CLUH: variants seen among roughly 807,000 people sequenced by gnomAD.
The protein encoded by CLUH is CLUH binding protein of NUMT mRNA, also known as clustered mitochondria protein homolog.
CLUH carries 77 observed loss-of-function variants against 139.3 expected under a neutral mutation model. The observed-to-expected ratio is 0.55, with a 90% confidence interval of 0.46 to 0.67. The LOEUF (loss-of-function observed/expected upper bound fraction) is 0.67, where lower values mean the gene tolerates loss of function less well. Ranked by LOEUF, CLUH falls within the 30% of genes least tolerant of loss-of-function variation. The pLI is 0.00. For synonymous variants in CLUH, 999 were observed against 801.6 expected (o/e 1.25, Z -4.16); for missense variants, 1,876 against 1,875.8 (o/e 1.00, Z 0.00).
chr17:2,692,861 C>G lies in CLUH; in HGVS notation c.3232-1G>C, dbSNP rs1257465980. On this transcript the variant is annotated splice_acceptor_variant, in intron 19 of 25. Transcript: ENST00000651024. LOFTEE classifies it high-confidence loss of function. ...CCGCCTTCTGCTGGTTACTCAGGGC[C>G]TGGGGAGAGACAGTGGTGGTTGCCG... 1 of 1,589,354 alleles carries G rather than the reference C, an allele frequency of 6.3e-7. No individual in the cohort carries two copies. The highest frequency in any genetic ancestry group is 8.6e-7 in the Non-Finnish European group (1 of 1,165,588).
chr17:2,698,460 A>G lies in CLUH; in HGVS notation c.1397T>C (p.Leu466Pro), dbSNP rs201028474. Reference sequence around the variant, plus strand: ...GTAGTGGTCTCGGACGTCGAAGCCCAGGCTGAAGAAGATGTTGTTCCAGAT... The same window carrying G: ...GTAGTGGTCTCGGACGTCGAAGCCCGGGCTGAAGAAGATGTTGTTCCAGAT... ...MFIWNNIFFSLGFDVRDHYKD... is the reference protein window; with the variant it reads ...MFIWNNIFFSPGFDVRDHYKD... Residue 466 changes from leucine to proline, a missense_variant, in exon 10 of 26, where the codon CTG becomes CCG. Physicochemically the swap from Leu to Pro is moderately conservative, Grantham distance 98. This residue lies in a region of CLUH where 1,454 missense variants were observed against 1,384.4 expected (regional missense o/e 1.05). Transcript: ENST00000651024. 1.2e-5 allele frequency: 20 copies of G among 1,613,286 alleles called. No homozygotes were observed. Among genetic ancestry groups the G allele is most frequent in the Non-Finnish European group, 1.6e-5 (19 of 1,179,834 alleles).
intron 13 of CLUH, 92 bp downstream of exon 13, chr17:2,696,067 G>A (rs894477710): frequency 4.4e-5 from 46 of 1,040,174 alleles, no homozygotes; most frequent in Non-Finnish European, 6.3e-5. Context: ...TCACTCCTGC[G>A]AGCCTGTGTT....
rs552589529 is a variant in CLUH at position 2,701,565 on chromosome 17, G to A, written c.745-45C>T. The stretch of plus-strand genomic sequence containing the variant: ...TGAGGGGCCAGGCCTCTGGTGTGGG[G>A]CCTCCACCCCGCCAGGGACCCTCTT... On this transcript the variant is annotated intron_variant, in intron 5 of 25. Transcript: ENST00000651024. 1.7e-5 allele frequency: 27 copies of A among 1,611,840 alleles called. No homozygotes were observed. The East Asian group carries it at 4.0e-4, about 24-fold the overall frequency.
Position 2,704,392 on chromosome 17 carries a change from G to C in CLUH, c.273C>G (p.Leu91=), listed in dbSNP as rs116256101. The change falls in exon 2 of 26, where the codon CTC becomes CTG. Residue 91 remains leucine (L), a synonymous_variant. Coordinates refer to ENST00000651024, the MANE Select transcript of CLUH (RefSeq NM_001366661.1). The surrounding 1 kb of genome is among the most constrained non-coding windows in gnomAD (Gnocchi z 5.7). ...IQDTGFSVKI[L]APGIEPFSLQ... Reference sequence around the variant, plus strand: ...GGGAGAAGGGCTCGATCCCAGGGGCGAGGATCTTCACAGAAAAGCCCGTGT... The same window carrying C: ...GGGAGAAGGGCTCGATCCCAGGGGCCAGGATCTTCACAGAAAAGCCCGTGT... 1,341 of 1,611,628 alleles carry C rather than the reference G, an allele frequency of 8.3e-4. 8 individuals are homozygous for C. In the African/African-American group the frequency reaches 0.016, roughly 19 times the overall value.
intron 11 of CLUH, 22 bp downstream of exon 11, chr17:2,696,697 C>G: frequency 6.2e-7 from 1 of 1,609,460 alleles, no homozygotes; most frequent in Non-Finnish European, 8.5e-7. Flanking sequence ...GGCTCTCTCC[C>G]GGCCATCTGC....
In CLUH at chr17:2,691,997, C is replaced by CCCCGCCCCCGCCCCGCCCCCGCT. The variant is rs772082865; in HGVS notation, c.3654+6_3654+7insAGCGGGGGCGGGGCGGGGGCGGG. On this transcript the variant is annotated splice_region_variant and intron_variant, in intron 23 of 25. Coordinates refer to ENST00000651024, the MANE Select transcript of CLUH (RefSeq NM_001366661.1). ...GCCCCCGCCCCCGCCACGCCCCCGC[C>CCCCGCCCCCGCCCCGCCCCCGCT]GCGCACCTGCGTCTTGTAGATGGTG... The CCCCGCCCCCGCCCCGCCCCCGCT allele has an allele frequency of 1.6e-6, 2 of 1,234,906 alleles. No individual in the cohort carries two copies. The highest frequency in any genetic ancestry group is 2.2e-6 in the Non-Finnish European group (2 of 928,330). 76.5% of individuals were successfully genotyped at this position (1,234,906 alleles called of 1,614,324 possible).
chr17:2,699,645 T>C (rs902477085), intron 9 of CLUH, among the ~76,000 whole-genome samples: 28 of 152,142 alleles, frequency 1.8e-4, no homozygotes, highest in African/African-American at 6.3e-4. Context: ...CTTTTTTTTT[T>C]TTTTGAGACG....
Position 2,704,424 on chromosome 17 carries a change from T to A in CLUH, c.241A>T (p.Ile81Phe). Residue 81 changes from isoleucine to phenylalanine, a missense_variant, in exon 2 of 26, where the codon ATT (isoleucine) becomes TTT (phenylalanine). Coordinates refer to ENST00000651024, the MANE Select transcript of CLUH (RefSeq NM_001366661.1). The surrounding 1 kb of genome is among the most constrained non-coding windows in gnomAD (Gnocchi z 5.7). ...TTCACAGAAAAGCCCGTGTCCTGAA[T>A]GACAATGACTTCCTGGCCGGTGGTC... ...DETTGQEVIV[I>F]QDTGFSVKIL... 1.2e-6 allele frequency: 2 copies of A among 1,610,924 alleles called. No individual in the cohort carries two copies. Among genetic ancestry groups the A allele is most frequent in the Non-Finnish European group, 1.7e-6 (2 of 1,178,774 alleles).
At chr17:2,692,328 C>CCGGCCTTGG in intron 22 of CLUH, 33 bp downstream of exon 22, 3 of 1,513,424 alleles carry the variant, frequency 2.0e-6, no homozygotes, top group Non-Finnish European at 1.8e-6. Flanking sequence ...CAGGCCTCCG[C>CCGGCCTTGG]CGGCCTTGGC....
At position 2,692,566 on chromosome 17, in the gene CLUH, C is replaced by G; in HGVS notation, c.3438+5G>C. 1 of 1,610,504 alleles carries G rather than the reference C, an allele frequency of 6.2e-7. No homozygotes were observed. Among genetic ancestry groups the G allele is most frequent in the Non-Finnish European group, 8.5e-7 (1 of 1,178,934 alleles). Reference sequence around the variant, plus strand: ...TCCCTGCCGCCCCCCCGCCCCAGCACTCACGTCCAGCAGCGCCATCTCGGG... The same window carrying G: ...TCCCTGCCGCCCCCCCGCCCCAGCAGTCACGTCCAGCAGCGCCATCTCGGG... On this transcript the variant is annotated splice_donor_5th_base_variant and intron_variant, in intron 21 of 25. Coordinates refer to ENST00000651024, the MANE Select transcript of CLUH (RefSeq NM_001366661.1).
In CLUH at chr17:2,701,369, T is replaced by C; in HGVS notation, c.896A>G (p.Asn299Ser). 1 of 1,607,010 alleles carries C rather than the reference T, an allele frequency of 6.2e-7. No homozygotes were observed. Among genetic ancestry groups the C allele is most frequent in the South Asian group, 1.1e-5 (1 of 89,950 alleles). ...TGGTGGGCTGGCAGGGACTCACTGATTCAGGTAAAAGCCCCGTGTGGACGC... is the reference window on the plus strand; with the variant it reads ...TGGTGGGCTGGCAGGGACTCACTGACTCAGGTAAAAGCCCCGTGTGGACGC... Reference protein sequence around the residue: ...ITASTRGFYLNQSTAYHFNPK... With the variant: ...ITASTRGFYLSQSTAYHFNPK... The change falls in exon 6 of 26, where the codon AAT becomes AGT. Residue 299 changes from asparagine (N) to serine (S), a missense_variant. This residue lies in a region of CLUH where 270 missense variants were observed against 354.7 expected (regional missense o/e 0.76). Coordinates refer to ENST00000651024, the MANE Select transcript of CLUH (RefSeq NM_001366661.1).
In CLUH at chr17:2,691,881, A is replaced by G. The variant is rs1395074241; in HGVS notation, c.3669T>C (p.His1223=). 1.9e-6 allele frequency: 3 copies of G among 1,538,682 alleles called. No individual in the cohort carries two copies. The highest frequency in any genetic ancestry group is 2.5e-5 in the East Asian group (1 of 40,640). Residue 1223 remains histidine, a synonymous_variant, in exon 24 of 26, where the codon CAT becomes CAC. Transcript: ENST00000651024. The part of the protein sequence containing the change: ...TIYKTQLGED[H]EKTKESSEYL... ...ACTCGGAGCTTTCCTTGGTCTTCTC[A>G]TGGTCCTCGCCCAGCTGCGGGGAGG...
At chr17:2,709,794 C>A (rs1206914131) in intron 1 of CLUH, among the ~76,000 whole-genome samples, 1 of 152,046 alleles carries the variant, frequency 6.6e-6, no homozygotes, top group African/African-American at 2.4e-5. Flanking sequence ...TTCATTAAGG[C>A]TCCTTCCTTC....
At position 2,690,558 on chromosome 17, in the gene CLUH, C is replaced by CG; in HGVS notation, c.*35dup. On this transcript the variant is annotated 3_prime_UTR_variant, in exon 26 of 26. Coordinates refer to ENST00000651024, the MANE Select transcript of CLUH (RefSeq NM_001366661.1). ...CTCCCGCAGTCGGGCTCCCTGGTGA[C>CG]GGGGCCGCTGGCTGGCTGTCCGTCT... 7.1e-7 allele frequency: 1 copy of CG among 1,415,456 alleles called. No homozygotes were observed. Among genetic ancestry groups the CG allele is most frequent in the Non-Finnish European group, 9.3e-7 (1 of 1,080,706 alleles). 87.7% of individuals were successfully genotyped at this position (1,415,456 alleles called of 1,614,324 possible).
At chr17:2,708,206 C>G (rs907014007) in intron 1 of CLUH, among the ~76,000 whole-genome samples, 1 of 152,216 alleles carries the variant, frequency 6.6e-6, no homozygotes, top group Non-Finnish European at 1.5e-5. Flanking sequence ...CATCCCCTCC[C>G]CTCCAGGACC....
At chr17:2,692,180 C>G in intron 22 of CLUH, 83 bp from the exon 23 acceptor site, 5 of 1,466,714 alleles carry the variant, frequency 3.4e-6, no homozygotes, top group Non-Finnish European at 4.6e-6. Flanking sequence ...CGGGGTCTCC[C>G]GTAGATCCCT....
In CLUH at chr17:2,698,470, A is replaced by T. The variant is rs1299594427; in HGVS notation, c.1387T>A (p.Phe463Ile). The change falls in exon 10 of 26, where the codon TTC becomes ATC. Residue 463 changes from phenylalanine (F) to isoleucine (I), a missense_variant. Transcript: ENST00000651024. Reference sequence around the variant, plus strand: ...CGGACGTCGAAGCCCAGGCTGAAGAAGATGTTGTTCCAGATGAACATCTGC... The same window carrying T: ...CGGACGTCGAAGCCCAGGCTGAAGATGATGTTGTTCCAGATGAACATCTGC... The part of the protein sequence containing the change: ...KMQMFIWNNI[F>I]FSLGFDVRDH... The T allele has an allele frequency of 9.3e-6, 15 of 1,613,136 alleles. No individual in the cohort carries two copies. The highest frequency in any genetic ancestry group is 2.2e-5 in the East Asian group (1 of 44,880).
rs1008005050 is a variant in CLUH at position 2,704,071 on chromosome 17, G to C, written c.303+291C>G. Among the ~76,000 whole-genome samples, 8 of 152,156 alleles carry C rather than the reference G, an allele frequency of 5.3e-5. No individual in the cohort carries two copies. Among genetic ancestry groups the C allele is most frequent in the Non-Finnish European group, 4.4e-5 (3 of 68,022 alleles). On this transcript the variant is annotated intron_variant, in intron 2 of 25. Transcript: ENST00000651024. This position sits in a 1 kb window ranked among gnomAD's most constrained non-coding sequence, Gnocchi z 5.7. Reference sequence around the variant, plus strand: ...TGACTTGCCTGAGGGCACAGAGCAAGAGGCTGGGGAGTCCTGGGATGCCAA... The same window carrying C: ...TGACTTGCCTGAGGGCACAGAGCAACAGGCTGGGGAGTCCTGGGATGCCAA...
Position 2,696,474 on chromosome 17 carries a change from G to T in CLUH, c.2250C>A (p.Thr750=), listed in dbSNP as rs777378425. The T allele has an allele frequency of 1.9e-6, 3 of 1,595,584 alleles. No homozygotes were observed. The South Asian group carries it at 3.4e-5, about 18-fold the overall frequency. ...ACKAVGSISS[T]AFDIRFNPDI... is the part of the protein sequence containing the mutation. ...CAGGATTGAAGCGAATGTCGAAGGC[G>T]GTGCTGCTGATGGAGCCGACCGCCT... is the stretch of plus-strand genomic sequence containing the variant. The change falls in exon 12 of 26, where the codon ACC becomes ACA. Residue 750 remains threonine, a synonymous_variant. Coordinates refer to ENST00000651024, the MANE Select transcript of CLUH (RefSeq NM_001366661.1).
Sources: allele counts gnomAD v4.1 joint callset (sites outside exome capture counted in the v4.1 genomes callset), GRCh38; gene constraint gnomAD v4.1.1; regional missense constraint gnomAD v4.1.1; non-coding constraint Gnocchi (gnomAD v3.1); transcripts MANE v1.5; gene names NCBI Gene and HGNC (gene_info 2026-07-23, HGNC 2026-07-21).